DUSP22: variants seen among roughly 807,000 people sequenced by gnomAD.
The protein encoded by DUSP22 is dual specificity phosphatase 22.
Under a neutral mutation model 24.5 loss-of-function variants are expected in DUSP22, and 24 were observed. The observed-to-expected ratio is 0.98, with a 90% CI of 0.71 to 1.38. The LOEUF is 1.38. Among genes scored for constraint, DUSP22 ranks in the 40% most tolerant of loss-of-function variants. DUSP22 has a pLI of 0.00. For synonymous variants in DUSP22, 160 were observed against 106.4 expected, an observed-to-expected ratio of 1.50 and a Z score of -3.10; for missense variants, 330 against 269.2, an observed-to-expected ratio of 1.23 and a Z score of -1.58.
intron 5 of DUSP22, among the ~76,000 whole-genome samples, chr6:347,097 T>G (rs966975705): frequency 1.8e-4 from 27 of 152,286 alleles, no homozygotes; most frequent in African/African-American, 6.5e-4. Context: ...CCTTGGGGGT[T>G]CAATTGGAGC....
At chr6:343,026 T>C (rs1313347199) in intron 4 of DUSP22, among the ~76,000 whole-genome samples, 1 of 150,056 alleles carries the variant, frequency 6.7e-6, no homozygotes, top group African/African-American at 2.5e-5. Flanking sequence ...CAAGGCTCCC[T>C]TCGTGCCCCA....
At chr6:319,784 C>G (rs1389366366) in intron 3 of DUSP22, 1 of 152,392 alleles carries the variant, frequency 6.6e-6, no homozygotes, top group Non-Finnish European at 1.5e-5. Context: ...GTTTTCATCT[C>G]TCTAGGAAAA....
chr6:328,304 G>A (rs570005287), intron 3 of DUSP22, among the ~76,000 whole-genome samples: 83 of 152,378 alleles, frequency 5.4e-4, no homozygotes, highest in African/African-American at 1.5e-3. Context: ...GTGGTGAGAC[G>A]GAGCTAGAGT....
intron 3 of DUSP22, among the ~76,000 whole-genome samples, chr6:334,129 T>A (rs1462563452): frequency 4.6e-5 from 7 of 152,306 alleles, no homozygotes; most frequent in Admixed American, 1.3e-4. Context: ...AACCTGAGGT[T>A]GTCTGTGTCC....
chr6:314,916 A>C (rs1474450759), intron 3 of DUSP22, among the ~76,000 whole-genome samples: 4 of 152,304 alleles, frequency 2.6e-5, no homozygotes, highest in Non-Finnish European at 4.4e-5. Flanking sequence ...GGGGTTTCCC[A>C]AAATAGCATT....
chr6:330,723 G>A (rs1303085893), intron 3 of DUSP22, among the ~76,000 whole-genome samples: 2 of 152,306 alleles, frequency 1.3e-5, no homozygotes, highest in African/African-American at 2.4e-5. Context: ...AAGAGCCGCT[G>A]GAAAACCTTC....
intron 1 of DUSP22, among the ~76,000 whole-genome samples, chr6:302,114 G>T (rs1216522117): frequency 6.6e-6 from 1 of 152,306 alleles, no homozygotes; most frequent in Non-Finnish European, 1.5e-5. Flanking sequence ...AAATGCAGAA[G>T]CCCTCCTCCA....
chr6:295,500 C>A (rs551823832), intron 1 of DUSP22, among the ~76,000 whole-genome samples: 1 of 152,240 alleles, frequency 6.6e-6, no homozygotes, highest in Non-Finnish European at 1.5e-5. Flanking sequence ...CAGGACTGGG[C>A]GTGGTGGCTC....
chr6:321,852 T>C (rs896061170), intron 3 of DUSP22, among the ~76,000 whole-genome samples: 1 of 152,422 alleles, frequency 6.6e-6, no homozygotes, highest in East Asian at 1.9e-4. Flanking sequence ...AGGGTACAGC[T>C]AATTAGGCTA....
chr6:343,256 T>C (rs891343001), intron 4 of DUSP22, among the ~76,000 whole-genome samples: 12 of 152,300 alleles, frequency 7.9e-5, no homozygotes, highest in African/African-American at 2.9e-4. Context: ...TTTAAAACCT[T>C]GAGCCAACTC....
chr6:296,740 C>G (rs1166162230), intron 1 of DUSP22, among the ~76,000 whole-genome samples: 6 of 152,312 alleles, frequency 3.9e-5, no homozygotes, highest in African/African-American at 1.4e-4. Flanking sequence ...AAGGCTGCCC[C>G]AAATGCTTCT....
intron 5 of DUSP22, 57 bp from the exon 6 acceptor site, chr6:348,046 C>G (rs965941913): frequency 1.9e-6 from 3 of 1,601,244 alleles, no homozygotes; most frequent in Non-Finnish European, 2.6e-6. Context: ...ATGGATTGGG[C>G]GATGAACCCG....
At chr6:313,564 A>G (rs1469652475) in intron 3 of DUSP22, among the ~76,000 whole-genome samples, 1 of 152,304 alleles carries the variant, frequency 6.6e-6, no homozygotes, top group Non-Finnish European at 1.5e-5. Flanking sequence ...CTGTAAGGAC[A>G]AATTCTGCCT....
intron 3 of DUSP22, among the ~76,000 whole-genome samples, chr6:327,026 T>C (rs1191095898): frequency 1.3e-5 from 2 of 152,278 alleles, no homozygotes; most frequent in South Asian, 2.1e-4. Context: ...CTGCAGCTAC[T>C]GTAGCCTCCA....
chr6:295,421 A>G (rs1359387602), intron 1 of DUSP22, among the ~76,000 whole-genome samples: 6 of 152,286 alleles, frequency 3.9e-5, no homozygotes, highest in African/African-American at 1.4e-4. Flanking sequence ...TGTACGCAGC[A>G]GATTATACAG....
chr6:317,266 G>A (rs11961691), intron 3 of DUSP22, among the ~76,000 whole-genome samples: 1 of 152,292 alleles, frequency 6.6e-6, no homozygotes, highest in Admixed American at 6.5e-5. Context: ...CGGCCACGTG[G>A]GCCTGAGGCC....
At chr6:328,235 A>AC (rs1435787397) in intron 3 of DUSP22, among the ~76,000 whole-genome samples, 1 of 152,296 alleles carries the variant, frequency 6.6e-6, no homozygotes, top group Non-Finnish European at 1.5e-5. Context: ...TTCATGAGTC[A>AC]CAATTGTGTA....
chr6:318,040 G>A (rs1431153651), intron 3 of DUSP22, among the ~76,000 whole-genome samples: 2 of 152,300 alleles, frequency 1.3e-5, no homozygotes, highest in Non-Finnish European at 2.9e-5. Flanking sequence ...TGGGCAGTCT[G>A]TGTAGTTCCT....
chr6:350,796 T>C lies in DUSP22; in HGVS notation c.*1845T>C, dbSNP rs1403743844. On this transcript the variant is annotated 3_prime_UTR_variant, in exon 7 of 7. Transcript: ENST00000419235. ...TCTTGAAATGTTGTTTTAATATTTGTTGCCAGTAATGTTCTTTCTTCACAG... is the reference window on the plus strand; with the variant it reads ...TCTTGAAATGTTGTTTTAATATTTGCTGCCAGTAATGTTCTTTCTTCACAG... The C allele has an allele frequency of 1.1e-5, 17 of 1,614,122 alleles. No homozygotes were observed. Among genetic ancestry groups the C allele is most frequent in the Non-Finnish European group, 1.3e-5 (15 of 1,180,024 alleles).
Sources: allele counts gnomAD v4.1 joint callset (sites outside exome capture counted in the v4.1 genomes callset), GRCh38; gene constraint gnomAD v4.1.1; transcripts MANE v1.5; gene names NCBI Gene and HGNC (gene_info 2026-07-23, HGNC 2026-07-21).